Variants in KBTBD12 observed in about 807,000 individuals in gnomAD.
KBTBD12 encodes kelch repeat and BTB domain containing 12, also known as kelch repeat and BTB domain-containing protein 12.
Under a neutral mutation model 58.7 loss-of-function variants are expected in KBTBD12, and 53 were observed. The observed-to-expected ratio is 0.90, with a 90% CI of 0.72 to 1.14. The LOEUF (loss-of-function observed/expected upper bound fraction) is 1.14. Ranked by LOEUF, KBTBD12 falls within the 50% of genes most tolerant of loss-of-function variation. The probability of loss-of-function intolerance (pLI) is 0.00; values close to 1 mark genes in which losing one functional copy is unlikely to be tolerated. For synonymous variants in KBTBD12, 236 were observed against 259.8 expected, an observed-to-expected ratio of 0.91 and a Z score of 0.88; for missense variants, 704 against 751.3, an observed-to-expected ratio of 0.94 and a Z score of 0.74.
chr3:127,970,399 C>T (rs533140127), intron 5 of KBTBD12, among the ~76,000 whole-genome samples: 20 of 152,234 alleles, frequency 1.3e-4, no homozygotes, highest in East Asian at 1.9e-4. Context: ...AGTTGCCATA[C>T]GATGCAGCAA....
At chr3:127,937,388 A>G (rs34506800) in intron 4 of KBTBD12, among the ~76,000 whole-genome samples, 1 of 152,192 alleles carries the variant, frequency 6.6e-6, no homozygotes, top group South Asian at 2.1e-4. Context: ...AAAATATATA[A>G]CAATATTAAA....
At chr3:127,947,830 G>C (rs1040446373) in intron 4 of KBTBD12, among the ~76,000 whole-genome samples, 1 of 152,180 alleles carries the variant, frequency 6.6e-6, no homozygotes, top group Non-Finnish European at 1.5e-5. Context: ...CCTTGGTCCA[G>C]AATCAGCAAA....
At chr3:127,948,790 A>T (rs1230472645) in intron 4 of KBTBD12, among the ~76,000 whole-genome samples, 1 of 152,168 alleles carries the variant, frequency 6.6e-6, no homozygotes, top group Non-Finnish European at 1.5e-5. Flanking sequence ...TTTACCTAAG[A>T]TTATCTTATG....
rs1940962043 is a variant in KBTBD12 at position 127,986,196 on chromosome 3, C to T, written c.*1918C>T. 6.6e-6 allele frequency: 1 copy of T among 152,638 alleles called. No individual in the cohort carries two copies. The highest frequency in any genetic ancestry group is 2.1e-4 in the South Asian group (1 of 4,832). The allele number at this position is 152,638 out of a possible 1,614,324, so 9.5% of individuals were successfully genotyped here. A position where few individuals can be genotyped will look rare whatever the true frequency, so the allele number is the denominator to read the frequency against. Reference sequence around the variant, plus strand: ...CTGGGTTCCAGCCCCCGCTCTGCTACTTAGCTAACCATGTGAACTTGGGCA... The same window carrying T: ...CTGGGTTCCAGCCCCCGCTCTGCTATTTAGCTAACCATGTGAACTTGGGCA... On this transcript the variant is annotated 3_prime_UTR_variant, in exon 6 of 6. Coordinates refer to ENST00000405109, the MANE Select transcript of KBTBD12 (RefSeq NM_207335.4).
intron 2 of KBTBD12, 55 bp from the exon 3 acceptor site, chr3:127,927,709 G>C (rs1371659978): frequency 7.9e-7 from 1 of 1,259,780 alleles, no homozygotes; most frequent in Admixed American, 2.6e-5. Flanking sequence ...GTATTTCTTG[G>C]GTAAATTGCT....
At position 127,927,901 on chromosome 3, in the gene KBTBD12, C is replaced by G; in HGVS notation, c.1208C>G (p.Thr403Arg). 6.2e-7 allele frequency: 1 copy of G among 1,613,452 alleles called. No individual in the cohort carries two copies. The highest frequency in any genetic ancestry group is 8.5e-7 in the Non-Finnish European group (1 of 1,179,568). Residue 403 changes from threonine to arginine, a missense_variant, in exon 3 of 6, where the codon ACA becomes AGA. Transcript: ENST00000405109. ...QMKIKNQYLI[T>R]NCVDKYSVER... ...AAAATTAAAAACCAGTATCTTATTA[C>G]AAACTGTGTTGATAAGTACTCTGTA... is the stretch of plus-strand genomic sequence containing the variant.
chr3:127,983,848 C>T (rs1394164614), intron 5 of KBTBD12, among the ~76,000 whole-genome samples: 1 of 152,160 alleles, frequency 6.6e-6, no homozygotes, highest in East Asian at 1.9e-4. Context: ...CCATTTTCTG[C>T]CATGAGTTGA....
chr3:127,942,476 A>C (rs955059095), intron 4 of KBTBD12, among the ~76,000 whole-genome samples: 1 of 151,970 alleles, frequency 6.6e-6, no homozygotes, highest in Non-Finnish European at 1.5e-5. Flanking sequence ...TAGTTTATCC[A>C]TGTTGTTACA....
intron 4 of KBTBD12, among the ~76,000 whole-genome samples, chr3:127,962,025 T>C (rs1249402615): frequency 2.0e-5 from 3 of 152,224 alleles, no homozygotes; most frequent in Non-Finnish European, 4.4e-5. Context: ...ACCCAACATA[T>C]GCAGTTTGCA....
intron 2 of KBTBD12, among the ~76,000 whole-genome samples, chr3:127,924,443 A>T (rs1293505622): frequency 2.0e-5 from 3 of 150,528 alleles, no homozygotes; most frequent in Non-Finnish European, 3.0e-5. Flanking sequence ...ACATTTTAAA[A>T]TTTTTTCTCT....
Position 127,984,339 on chromosome 3 carries a change from C to A in KBTBD12, c.*61C>A. The A allele has an allele frequency of 7.0e-7, 1 of 1,432,802 alleles. No homozygotes were observed. The highest frequency in any genetic ancestry group is 1.2e-5 in the South Asian group (1 of 80,034). The allele number at this position is 1,432,802 out of a possible 1,614,324, so 88.8% of individuals were successfully genotyped here. On this transcript the variant is annotated 3_prime_UTR_variant, in exon 6 of 6. Transcript: ENST00000405109. Reference sequence around the variant, plus strand: ...AACAAGGCCTTCAGAACGGAGAGGGCCCACAGCATCTCTGTCATGCCAGTC... The same window carrying A: ...AACAAGGCCTTCAGAACGGAGAGGGACCACAGCATCTCTGTCATGCCAGTC...
chr3:127,953,696 G>T (rs1415986923), intron 4 of KBTBD12, among the ~76,000 whole-genome samples: 1 of 152,214 alleles, frequency 6.6e-6, no homozygotes, highest in Non-Finnish European at 1.5e-5. Context: ...CTGGAATTAT[G>T]GCAAACTAGC....
In KBTBD12 at chr3:127,963,256, C is replaced by T. The variant is rs998363199; in HGVS notation, c.1560C>T (p.Tyr520=). The T allele has an allele frequency of 1.5e-5, 24 of 1,612,710 alleles. No homozygotes were observed. Among genetic ancestry groups the T allele is most frequent in the Non-Finnish European group, 1.9e-5 (22 of 1,179,496 alleles). The change falls in exon 5 of 6, where the codon TAC becomes TAT. Residue 520 remains tyrosine, a synonymous_variant. Transcript: ENST00000405109. The stretch of plus-strand genomic sequence containing the variant: ...AATGCCTTGACGTGGTGGAGATCTA[C>T]AACCCAGATGGGGACTTTTGGCGAG... ...VRKCLDVVEI[Y]NPDGDFWREG...
In KBTBD12 at chr3:127,924,069, G is replaced by A. The variant is rs751396997; in HGVS notation, c.1008G>A (p.Val336=). Residue 336 remains valine, a synonymous_variant, in exon 2 of 6, where the codon GTG becomes GTA. Coordinates refer to ENST00000405109, the MANE Select transcript of KBTBD12 (RefSeq NM_207335.4). ...TCATGGAAAATAATACTATAATTGT[G>A]GCTGGAGAAGCAAGTGCCTCTAAAC... is the stretch of plus-strand genomic sequence containing the variant. ...GVVMENNTII[V]AGEASASKLS... is the part of the protein sequence containing the mutation. 2 of 1,613,634 alleles carry A rather than the reference G, an allele frequency of 1.2e-6. No individual in the cohort carries two copies. Among genetic ancestry groups the A allele is most frequent in the East Asian group, 2.2e-5 (1 of 44,876 alleles).
At chr3:127,928,063 G>A (rs767144042) in intron 3 of KBTBD12, 29 bp downstream of exon 3, 1 of 1,590,738 alleles carries the variant, frequency 6.3e-7, no homozygotes, top group Non-Finnish European at 8.6e-7. Flanking sequence ...TACATAATTG[G>A]CATGGCTATA....
intron 1 of KBTBD12, among the ~76,000 whole-genome samples, chr3:127,919,027 G>C (rs56125087): frequency 0.057 from 8,598 of 152,110 alleles, 276 homozygotes; most frequent in East Asian, 0.097. Flanking sequence ...TCATAATGTT[G>C]ATGTTCCTTG....
intron 4 of KBTBD12, among the ~76,000 whole-genome samples, chr3:127,951,698 G>A (rs1940207886): frequency 6.6e-6 from 1 of 152,062 alleles, no homozygotes; most frequent in Admixed American, 6.6e-5. Flanking sequence ...AGACCATCAG[G>A]GATTGTCCCA....
chr3:127,927,844 A>ACC lies in KBTBD12; in HGVS notation c.1151_1152insCC (p.Asn385LeufsTer7). ...GAACTCTATGCTCTGGGCAGTATTC[A>ACC]TAATGACCTTTATGTTATAGGAGGA... On this transcript the variant is annotated frameshift_variant, in exon 3 of 6. Coordinates refer to ENST00000405109, the MANE Select transcript of KBTBD12 (RefSeq NM_207335.4). LOFTEE classifies it high-confidence loss of function. The ACC allele has an allele frequency of 6.2e-7, 1 of 1,612,534 alleles. No homozygotes were observed. Among genetic ancestry groups the ACC allele is most frequent in the Non-Finnish European group, 8.5e-7 (1 of 1,179,130 alleles).
In KBTBD12 at chr3:127,923,510, A is replaced by G. The variant is rs1320328551; in HGVS notation, c.449A>G (p.Asp150Gly). 2 of 1,611,130 alleles carry G rather than the reference A, an allele frequency of 1.2e-6. No individual in the cohort carries two copies. The highest frequency in any genetic ancestry group is 2.7e-5 in the African/African-American group (2 of 74,912). The change falls in exon 2 of 6, where the codon GAT becomes GGT. Residue 150 changes from aspartate (D) to glycine (G), a missense_variant. By Grantham distance (94) the Asp-to-Gly change is moderately conservative (BLOSUM62 -1). Coordinates refer to ENST00000405109, the MANE Select transcript of KBTBD12 (RefSeq NM_207335.4). ...AKQIGAEDLS[D>G]RSKKYLYQHF... ...CAGATTGGAGCTGAAGATTTATCTGATCGATCAAAGAAATATTTATATCAG... is the reference window on the plus strand; with the variant it reads ...CAGATTGGAGCTGAAGATTTATCTGGTCGATCAAAGAAATATTTATATCAG...
Sources: allele counts gnomAD v4.1 joint callset (sites outside exome capture counted in the v4.1 genomes callset), GRCh38; gene constraint gnomAD v4.1.1; transcripts MANE v1.5; gene names NCBI Gene and HGNC (gene_info 2026-07-23, HGNC 2026-07-21).